LRRTM4: variants seen among roughly 807,000 people sequenced by gnomAD.
LRRTM4 encodes leucine rich repeat transmembrane neuronal 4.
LRRTM4 carries 25 observed loss-of-function variants against 47.6 expected under a neutral mutation model. That is an observed-to-expected ratio of 0.53 (90% confidence interval 0.38 to 0.73). LRRTM4 has a LOEUF of 0.73. Among genes scored for constraint, LRRTM4 ranks in the 30% least tolerant of loss-of-function variants. The pLI is 0.00. For missense variants in LRRTM4, 638 were observed against 713.4 expected (o/e 0.89, Z 1.20); for synonymous variants, 311 against 269.5 (o/e 1.15, Z -1.51).
At chr2:76,992,118 C>T (rs1026252833) in intron 3 of LRRTM4, among the ~76,000 whole-genome samples, 1 of 151,498 alleles carries the variant, frequency 6.6e-6, no homozygotes, top group Non-Finnish European at 1.5e-5. Context: ...GCACACTAGG[C>T]AGTGAAGAAA....
chr2:76,964,430 C>T (rs1420481607), intron 3 of LRRTM4, among the ~76,000 whole-genome samples: 1 of 150,870 alleles, frequency 6.6e-6, no homozygotes, highest in Non-Finnish European at 1.5e-5. Flanking sequence ...AAAGTCAGAG[C>T]AGCTGAAATG....
chr2:76,763,602 C>G (rs1558637383), intron 3 of LRRTM4, among the ~76,000 whole-genome samples: 2 of 152,122 alleles, frequency 1.3e-5, no homozygotes, highest in Admixed American at 6.5e-5. Context: ...TAGGACGATC[C>G]AAACATATGA....
chr2:76,974,229 TATATATATATAC>T (rs1676339107), intron 3 of LRRTM4, among the ~76,000 whole-genome samples: 1 of 101,746 alleles, frequency 9.8e-6, no homozygotes, highest in African/African-American at 4.6e-5. Flanking sequence ...TATACATACA[TATATATATATAC>T]ATATATATAT....
At chr2:77,457,229 A>G (rs1558752279) in intron 3 of LRRTM4, among the ~76,000 whole-genome samples, 2 of 151,648 alleles carry the variant, frequency 1.3e-5, no homozygotes, top group Non-Finnish European at 2.9e-5. Context: ...ATGTCAGTAC[A>G]CTTTATTTCC....
intron 3 of LRRTM4, among the ~76,000 whole-genome samples, chr2:76,807,434 A>T (rs1558667424): frequency 1.6e-5 from 1 of 63,746 alleles, no homozygotes; most frequent in African/African-American, 1.2e-4. Flanking sequence ...ACATATATAT[A>T]TACGTATATA....
Position 77,348,206 on chromosome 2 carries a change from T to C in LRRTM4, c.1551+170112A>G, listed in dbSNP as rs568965757. Among the ~76,000 whole-genome samples the C allele has an allele frequency of 5.1e-4, 77 of 152,090 alleles. 2 individuals carry two copies. The South Asian group carries it at 0.015, about 30-fold the overall frequency. On this transcript the variant is annotated intron_variant, in intron 3 of 3. Coordinates refer to ENST00000409884, the MANE Select transcript of LRRTM4 (RefSeq NM_001134745.3). ...CATTTAACCATTTAGATAAGTTGTA[T>C]ATACTGTTAAACTTAACAGTATTAT... is the stretch of plus-strand genomic sequence containing the variant.
chr2:77,387,809 A>G (rs943769940), intron 3 of LRRTM4, among the ~76,000 whole-genome samples: 1 of 152,188 alleles, frequency 6.6e-6, no homozygotes, highest in African/African-American at 2.4e-5. Context: ...GTTGGAAAGC[A>G]TACAGCTAAT....
At position 77,110,444 on chromosome 2, in the gene LRRTM4, A is replaced by T. The variant is rs1671219750; in HGVS notation, c.1552-361528T>A. ...GAGAATAAAATTGAATCCATTAGTA[A>T]GGATTGTTAATGGAAGTTGAAATTT... On this transcript the variant is annotated intron_variant, in intron 3 of 3. Transcript: ENST00000409884. Among the ~76,000 whole-genome samples, 3 of 152,170 alleles carry T rather than the reference A, an allele frequency of 2.0e-5. No homozygotes were observed. In the South Asian group the frequency reaches 6.2e-4, roughly 31 times the overall value.
At chr2:77,099,935 CTT>C (rs545927685) in intron 3 of LRRTM4, among the ~76,000 whole-genome samples, 7 of 152,032 alleles carry the variant, frequency 4.6e-5, no homozygotes, top group Non-Finnish European at 8.8e-5. Flanking sequence ...AGGTGTATAA[CTT>C]TCTGGAGTCA....
At chr2:77,421,601 G>C (rs1674889843) in intron 3 of LRRTM4, among the ~76,000 whole-genome samples, 1 of 152,110 alleles carries the variant, frequency 6.6e-6, no homozygotes, top group East Asian at 1.9e-4. Context: ...CAGCTACTCG[G>C]GAGGCTGAAG....
At chr2:77,171,080 CCTTA>C (rs1039900413) in intron 3 of LRRTM4, among the ~76,000 whole-genome samples, 15 of 151,410 alleles carry the variant, frequency 9.9e-5, no homozygotes, top group Admixed American at 6.6e-5. Flanking sequence ...TATATGTAAA[CCTTA>C]CTTACTAATG....
intron 3 of LRRTM4, among the ~76,000 whole-genome samples, chr2:77,370,829 G>A (rs2103768427): frequency 6.6e-6 from 1 of 151,772 alleles, no homozygotes; most frequent in East Asian, 1.9e-4. Flanking sequence ...CCTCTTTGAA[G>A]TTTCCATCAG....
chr2:77,088,528 C>T (rs1680805079), intron 3 of LRRTM4, among the ~76,000 whole-genome samples: 1 of 151,944 alleles, frequency 6.6e-6, no homozygotes, highest in African/African-American at 2.4e-5. Context: ...TTTCCTTTAC[C>T]TACCCAAATC....
At chr2:76,795,283 C>T (rs1382096451) in intron 3 of LRRTM4, among the ~76,000 whole-genome samples, 1 of 152,122 alleles carries the variant, frequency 6.6e-6, no homozygotes, top group South Asian at 2.1e-4. Flanking sequence ...ATTTCATATA[C>T]TTATTGTGTA....
intron 3 of LRRTM4, among the ~76,000 whole-genome samples, chr2:76,957,104 A>G (rs1558761421): frequency 6.6e-6 from 1 of 151,780 alleles, no homozygotes; most frequent in African/African-American, 2.4e-5. Context: ...ATATTGTTAT[A>G]TGCTACAACA....
intron 3 of LRRTM4, among the ~76,000 whole-genome samples, chr2:77,411,006 A>C (rs529441462): frequency 1.3e-5 from 2 of 152,200 alleles, no homozygotes; most frequent in Non-Finnish European, 2.9e-5. Flanking sequence ...TCTTATTTTC[A>C]AGATTATAAT....
intron 3 of LRRTM4, among the ~76,000 whole-genome samples, chr2:76,917,207 C>A (rs1042378266): frequency 6.6e-6 from 1 of 152,134 alleles, no homozygotes; most frequent in African/African-American, 2.4e-5. Flanking sequence ...ATAAACATGG[C>A]TACATTGTTT....
At chr2:76,826,201 G>C (rs1230365636) in intron 3 of LRRTM4, among the ~76,000 whole-genome samples, 1 of 151,630 alleles carries the variant, frequency 6.6e-6, no homozygotes, top group African/African-American at 2.4e-5. Flanking sequence ...GAATATATCA[G>C]ATCATTATCA....
intron 3 of LRRTM4, among the ~76,000 whole-genome samples, chr2:76,965,385 G>A (rs1000786860): frequency 4.0e-5 from 6 of 151,212 alleles, no homozygotes; most frequent in African/African-American, 1.5e-4. Flanking sequence ...AGCTAGGCAA[G>A]GTTGATTCAA....
Sources: gnomAD v4.1 joint callset for allele counts (sites outside exome capture counted in the v4.1 genomes callset) on GRCh38, gnomAD v4.1.1 for gene constraint, MANE v1.5 for transcripts, NCBI Gene and HGNC (gene_info 2026-07-23, HGNC 2026-07-21) for gene names.